Variants in PPM1F observed in about 807,000 individuals in gnomAD.
PPM1F encodes the protein protein phosphatase, Mg2+/Mn2+ dependent 1F.
In PPM1F, 17 loss-of-function variants were observed where a neutral mutation model predicts 35.5. The ratio of observed to expected loss-of-function variants is 0.48; its 90% CI spans 0.33 to 0.72. PPM1F has a LOEUF of 0.72. PPM1F is among the 30% of genes least tolerant of loss of function. The pLI, the probability that PPM1F is intolerant of heterozygous loss-of-function variation, is 0.02. For missense variants in PPM1F, 521 were observed against 613.0 expected, an observed-to-expected ratio of 0.85 and a Z score of 1.59; for synonymous variants, 241 against 255.5, an observed-to-expected ratio of 0.94 and a Z score of 0.54.
At chr22:21,938,053 C>A in intron 3 of PPM1F, 1 of 1,233,398 alleles carries the variant, frequency 8.1e-7, no homozygotes, top group Non-Finnish European at 1.0e-6. Context: ...ATCAAGGCCG[C>A]TAGGCAGGCC....
Position 21,923,006 on chromosome 22 carries a change from T to C in PPM1F, c.*86A>G. ...ACTGTGGGGCGGGCACCCTGTCCACTGCCTGCCACCTGTTGGGTCCTGAGG... is the reference window on the plus strand; with the variant it reads ...ACTGTGGGGCGGGCACCCTGTCCACCGCCTGCCACCTGTTGGGTCCTGAGG... On this transcript the variant is annotated 3_prime_UTR_variant, in exon 8 of 8. Transcript: ENST00000263212. 4 of 1,501,776 alleles carry C rather than the reference T, an allele frequency of 2.7e-6. No individual in the cohort carries two copies. The East Asian group carries it at 6.8e-5, about 26-fold the overall frequency. 93.0% of individuals were successfully genotyped at this position (1,501,776 alleles called of 1,614,324 possible).
chr22:21,932,220 C>T (rs994856718), intron 5 of PPM1F, among the ~76,000 whole-genome samples: 10 of 151,972 alleles, frequency 6.6e-5, no homozygotes, highest in East Asian at 1.9e-4. Flanking sequence ...CCCAAAGTGC[C>T]GGGATTACAG....
intron 5 of PPM1F, among the ~76,000 whole-genome samples, chr22:21,932,088 GATTA>G (rs1334310085): frequency 6.6e-6 from 1 of 152,076 alleles, no homozygotes; most frequent in Non-Finnish European, 1.5e-5. Context: ...AAAGTGCTGG[GATTA>G]CAGGCATGAG....
intron 5 of PPM1F, among the ~76,000 whole-genome samples, chr22:21,932,971 C>G (rs138663139): frequency 6.6e-6 from 1 of 152,204 alleles, no homozygotes; most frequent in Non-Finnish European, 1.5e-5. Flanking sequence ...CTTCTCTCTG[C>G]GCCCCGACTA....
At chr22:21,935,555 C>G (rs999430582) in intron 3 of PPM1F, 1 of 152,178 alleles carries the variant, frequency 6.6e-6, no homozygotes, top group Admixed American at 6.5e-5. Context: ...CTATGATTAT[C>G]TCAAAACAAA....
chr22:21,921,461 T>C lies in PPM1F; in HGVS notation c.*1631A>G, dbSNP rs1401493644. ...CCCTAGCCCCCTGCCCTCTTCCCTC[T>C]ACCCGACACCCTCCCCCAGCCTTGC... On this transcript the variant is annotated 3_prime_UTR_variant, in exon 8 of 8. Transcript: ENST00000263212. 3.3e-5 allele frequency: 5 copies of C among 152,528 alleles called. No homozygotes were observed. Among genetic ancestry groups the C allele is most frequent in the Non-Finnish European group, 7.3e-5 (5 of 68,306 alleles). The allele number at this position is 152,528 out of a possible 1,614,324, so 9.4% of individuals were successfully genotyped here.
intron 5 of PPM1F, chr22:21,932,672 T>A (rs2070606583): frequency 6.6e-6 from 1 of 152,242 alleles, no homozygotes; most frequent in African/African-American, 2.4e-5. Flanking sequence ...GATGCATTTG[T>A]ATTCTTTCTT....
chr22:21,945,386 T>G (rs2070766667), intron 2 of PPM1F: 1 of 157,548 alleles, frequency 6.3e-6, no homozygotes, highest in Non-Finnish European at 1.4e-5. Flanking sequence ...TGGTCCAAAA[T>G]GCCCATGTCC....
At chr22:21,933,293 T>G in intron 5 of PPM1F, 98 bp downstream of exon 5, 1 of 1,183,594 alleles carries the variant, frequency 8.4e-7, no homozygotes, top group South Asian at 1.5e-5. Flanking sequence ...GTGAGGACCT[T>G]CCAGCACCAC....
chr22:21,923,675 T>C (rs767697775), intron 7 of PPM1F, among the ~76,000 whole-genome samples: 2 of 150,594 alleles, frequency 1.3e-5, no homozygotes, highest in African/African-American at 4.8e-5. Flanking sequence ...GCCTGTGAGC[T>C]CCCCCTTTTT....
intron 1 of PPM1F, chr22:21,951,876 T>C (rs2070842875): frequency 6.6e-6 from 1 of 152,178 alleles, no homozygotes; most frequent in Non-Finnish European, 1.5e-5. Flanking sequence ...CCCAATGCCT[T>C]TGGTATTTCC....
intron 2 of PPM1F, chr22:21,941,075 A>G (rs1402028967): frequency 6.6e-6 from 1 of 152,276 alleles, no homozygotes; most frequent in Non-Finnish European, 1.5e-5. Context: ...CACCATGTCC[A>G]GCTAATCTGT....
rs899112868 is a variant in PPM1F at position 21,922,841 on chromosome 22, A to G, written c.*251T>C. 1 of 499,858 alleles carries G rather than the reference A, an allele frequency of 2.0e-6. No homozygotes were observed. Among genetic ancestry groups the G allele is most frequent in the Non-Finnish European group, 3.5e-6 (1 of 283,594 alleles). 31.0% of individuals were successfully genotyped at this position (499,858 alleles called of 1,614,324 possible). On this transcript the variant is annotated 3_prime_UTR_variant, in exon 8 of 8. Transcript: ENST00000263212. Reference sequence around the variant, plus strand: ...CACCCCGGGCCTAATAGGAGCTGGGAGCAAGAGCCGGTCCATCTTCTCTTT... The same window carrying G: ...CACCCCGGGCCTAATAGGAGCTGGGGGCAAGAGCCGGTCCATCTTCTCTTT...
chr22:21,931,669 C>T (rs1460429503), intron 5 of PPM1F, among the ~76,000 whole-genome samples: 3 of 151,376 alleles, frequency 2.0e-5, no homozygotes, highest in East Asian at 2.0e-4. Flanking sequence ...TACAGCACCA[C>T]GCCTGGCTAA....
At chr22:21,928,097 CCT>C (rs1237657070) in intron 6 of PPM1F, among the ~76,000 whole-genome samples, 1 of 151,812 alleles carries the variant, frequency 6.6e-6, no homozygotes, top group African/African-American at 2.4e-5. Context: ...GCGCCCACCC[CCT>C]CAGCAGCTCT....
intron 6 of PPM1F, among the ~76,000 whole-genome samples, chr22:21,927,708 CCT>C (rs1326626285): frequency 2.0e-5 from 3 of 152,230 alleles, no homozygotes; most frequent in African/African-American, 7.2e-5. Context: ...CCTGTGATCC[CCT>C]CTCCTGCCAT....
intron 2 of PPM1F, chr22:21,940,698 C>T (rs1203999135): frequency 6.6e-6 from 1 of 152,190 alleles, no homozygotes; most frequent in Admixed American, 6.6e-5. Flanking sequence ...GCTGCTGGGT[C>T]TGTGGTCATT....
intron 3 of PPM1F, chr22:21,936,362 G>A (rs1249571097): frequency 2.0e-5 from 3 of 151,444 alleles, no homozygotes; most frequent in Non-Finnish European, 2.9e-5. Context: ...GGGCCTGCAC[G>A]TGGCAGTTCC....
At chr22:21,950,435 G>A (rs1200508358) in intron 1 of PPM1F, 1 of 150,508 alleles carries the variant, frequency 6.6e-6, no homozygotes, top group African/African-American at 2.5e-5. Flanking sequence ...TAGTGCATTA[G>A]TTTTGACTCC....
Sources: allele counts gnomAD v4.1 joint callset (sites outside exome capture counted in the v4.1 genomes callset), GRCh38; gene constraint gnomAD v4.1.1; transcripts MANE v1.5; gene names NCBI Gene and HGNC (gene_info 2026-07-23, HGNC 2026-07-21).